ARIH1: variants seen among roughly 807,000 people sequenced by gnomAD.
ARIH1 encodes E3 ubiquitin-protein ligase ARIH1.
Under a neutral mutation model 85.0 loss-of-function variants are expected in ARIH1, and 8 were observed. The ratio of observed to expected loss-of-function variants is 0.09; its 90% confidence interval spans 0.06 to 0.17. ARIH1 has a LOEUF of 0.17. ARIH1 is among the 10% of genes least tolerant of loss of function. The pLI is 1.00. For missense variants in ARIH1, 311 were observed against 718.1 expected, an observed-to-expected ratio of 0.43 and a Z score of 6.48; for synonymous variants, 238 against 253.6, an observed-to-expected ratio of 0.94 and a Z score of 0.59.
intron 1 of ARIH1, among the ~76,000 whole-genome samples, chr15:72,486,518 G>T (rs1316668779): frequency 6.6e-6 from 1 of 152,082 alleles, no homozygotes; most frequent in South Asian, 2.1e-4. Flanking sequence ...GGGGACTGCT[G>T]TAATGTCTCA....
At chr15:72,484,184 AAAAAAG>A (rs1190679337) in intron 1 of ARIH1, among the ~76,000 whole-genome samples, 8 of 151,926 alleles carry the variant, frequency 5.3e-5, no homozygotes, top group Middle Eastern at 3.4e-3. Flanking sequence ...AAAAAAAAAA[AAAAAAG>A]AAGAAAAGAA....
intron 3 of ARIH1, among the ~76,000 whole-genome samples, chr15:72,549,520 G>A (rs1260628444): frequency 6.6e-6 from 1 of 152,186 alleles, no homozygotes; most frequent in Non-Finnish European, 1.5e-5. Flanking sequence ...GCCCCTCTGT[G>A]GAATCTTGGT....
chr15:72,489,537 AAATT>A (rs2063850845), intron 1 of ARIH1, among the ~76,000 whole-genome samples: 2 of 152,224 alleles, frequency 1.3e-5, no homozygotes, highest in South Asian at 4.1e-4. Flanking sequence ...GAATAAGTAA[AAATT>A]ACTAGTTTTC....
chr15:72,491,070 C>T (rs1202725139), intron 1 of ARIH1, among the ~76,000 whole-genome samples: 4 of 152,160 alleles, frequency 2.6e-5, no homozygotes, highest in Middle Eastern at 3.4e-3. Flanking sequence ...GAGCCGAGAT[C>T]GTGCCACTGC....
chr15:72,536,943 A>C (rs1214843251), intron 2 of ARIH1, among the ~76,000 whole-genome samples: 1 of 152,172 alleles, frequency 6.6e-6, no homozygotes, highest in African/African-American at 2.4e-5. Flanking sequence ...TATGGCCTCA[A>C]AAAGTATTCT....
intron 3 of ARIH1, among the ~76,000 whole-genome samples, chr15:72,548,494 C>T (rs2064139150): frequency 6.6e-6 from 1 of 152,188 alleles, no homozygotes; most frequent in South Asian, 2.1e-4. Context: ...AATGAAATTA[C>T]TCTTTTACAA....
rs1247468616 is a variant in ARIH1 at position 72,598,686 on chromosome 15, C to A, written c.*15394C>A. 6.7e-6 allele frequency: 1 copy of A among 150,176 alleles called. No homozygotes were observed. Among genetic ancestry groups the A allele is most frequent in the Admixed American group, 6.7e-5 (1 of 15,024 alleles). The allele number at this position is 150,176 out of a possible 1,614,324, so 9.3% of individuals were successfully genotyped here. Reference sequence around the variant, plus strand: ...CCGAGATTGTGCCACTGCACTCCAGCCTGGGTGACAGAGCAAGACTCCCTC... The same window carrying A: ...CCGAGATTGTGCCACTGCACTCCAGACTGGGTGACAGAGCAAGACTCCCTC... On this transcript the variant is annotated 3_prime_UTR_variant, in exon 14 of 14. Coordinates refer to ENST00000379887, the MANE Select transcript of ARIH1 (RefSeq NM_005744.5).
At chr15:72,488,485 T>A (rs1051489943) in intron 1 of ARIH1, among the ~76,000 whole-genome samples, 2 of 152,220 alleles carry the variant, frequency 1.3e-5, no homozygotes, top group Non-Finnish European at 2.9e-5. Context: ...TGCTTCCTTA[T>A]CTATGTTTGA....
rs1345775312 is a variant in ARIH1 at position 72,544,963 on chromosome 15, C to T, written c.587C>T (p.Ser196Leu). 1.9e-6 allele frequency: 3 copies of T among 1,584,392 alleles called. No individual in the cohort carries two copies. Among genetic ancestry groups the T allele is most frequent in the South Asian group, 1.1e-5 (1 of 88,090 alleles). ...ATCTGCTACTTGAACTACCCTAACTCGGTGAGTATCTGGTAGTTTAAGGCT... is the reference window on the plus strand; with the variant it reads ...ATCTGCTACTTGAACTACCCTAACTTGGTGAGTATCTGGTAGTTTAAGGCT... Reference protein sequence around the residue: ...CQICYLNYPNSYFTGLECGHK... With the variant: ...CQICYLNYPNLYFTGLECGHK... Residue 196 changes from serine (S) to leucine (L), a missense_variant and splice_region_variant, in exon 3 of 14, where the codon TCG (serine) becomes TTG (leucine). Coordinates refer to ENST00000379887, the MANE Select transcript of ARIH1 (RefSeq NM_005744.5).
chr15:72,524,335 C>G (rs1321072930), intron 2 of ARIH1, among the ~76,000 whole-genome samples: 1 of 150,972 alleles, frequency 6.6e-6, no homozygotes, highest in Admixed American at 6.6e-5. Flanking sequence ...CAACCTCTGC[C>G]TCCCGGTTCA....
At chr15:72,535,520 A>G (rs1358435889) in intron 2 of ARIH1, among the ~76,000 whole-genome samples, 2 of 152,248 alleles carry the variant, frequency 1.3e-5, no homozygotes, top group African/African-American at 2.4e-5. Flanking sequence ...TTGTTTTAAC[A>G]TAGCTGAATT....
intron 1 of ARIH1, among the ~76,000 whole-genome samples, chr15:72,492,497 A>G (rs749549736): frequency 1.3e-5 from 2 of 152,208 alleles, no homozygotes; most frequent in Admixed American, 6.5e-5. Context: ...AAATATGTTT[A>G]CTTTTTAACC....
intron 3 of ARIH1, among the ~76,000 whole-genome samples, chr15:72,546,425 C>A (rs192691426): frequency 6.6e-6 from 1 of 152,150 alleles, no homozygotes; most frequent in Non-Finnish European, 1.5e-5. Context: ...AAGTTCTGAT[C>A]GTAACTCTAA....
Position 72,474,539 on chromosome 15 carries a change from C to A in ARIH1, c.-101C>A. On this transcript the variant is annotated 5_prime_UTR_variant, in exon 1 of 14. Transcript: ENST00000379887. Reference sequence around the variant, plus strand: ...GCTCGCGGGGCCGGAGCCAGGCCTGCGTCCGGACATCAGCCGGAGCCGGAG... The same window carrying A: ...GCTCGCGGGGCCGGAGCCAGGCCTGAGTCCGGACATCAGCCGGAGCCGGAG... The A allele has an allele frequency of 7.3e-7, 1 of 1,379,196 alleles. No homozygotes were observed. Among genetic ancestry groups the A allele is most frequent in the Non-Finnish European group, 9.5e-7 (1 of 1,052,762 alleles). The allele number at this position is 1,379,196 out of a possible 1,614,324, so 85.4% of individuals were successfully genotyped here.
At chr15:72,533,951 A>T (rs1387488729) in intron 2 of ARIH1, among the ~76,000 whole-genome samples, 1 of 152,150 alleles carries the variant, frequency 6.6e-6, no homozygotes, top group Non-Finnish European at 1.5e-5. Flanking sequence ...AGCAGTATTT[A>T]TTCATACTTC....
intron 2 of ARIH1, among the ~76,000 whole-genome samples, chr15:72,543,985 C>G (rs898065208): frequency 1.3e-5 from 2 of 152,052 alleles, no homozygotes; most frequent in Admixed American, 1.3e-4. Context: ...CTCAACCCAC[C>G]TTAAGGTCTG....
chr15:72,474,511 G>T lies in ARIH1; in HGVS notation c.-129G>T. 1 of 1,235,578 alleles carries T rather than the reference G, an allele frequency of 8.1e-7. No homozygotes were observed. Among genetic ancestry groups the T allele is most frequent in the Non-Finnish European group, 1.1e-6 (1 of 938,576 alleles). The allele number at this position is 1,235,578 out of a possible 1,614,324, so 76.5% of individuals were successfully genotyped here. On this transcript the variant is annotated 5_prime_UTR_variant, in exon 1 of 14. Transcript: ENST00000379887. ...CAACCGCCGCTCCTGGGGAGGAGCC[G>T]CGGCTCGCGGGGCCGGAGCCAGGCC...
intron 9 of ARIH1, among the ~76,000 whole-genome samples, chr15:72,567,827 T>A (rs949689379): frequency 9.9e-5 from 15 of 152,138 alleles, no homozygotes; most frequent in Non-Finnish European, 1.9e-4. Flanking sequence ...GAATGGTAGG[T>A]TGGTTCATGG....
rs772729893 is a variant in ARIH1 at position 72,587,133 on chromosome 15, G to A, written c.*3841G>A. ...CTTACTGTCTAAAACAAGTGGAGAA[G>A]AAATTGCCATTTTTTATAAAGGAGG... is the stretch of plus-strand genomic sequence containing the variant. On this transcript the variant is annotated 3_prime_UTR_variant, in exon 14 of 14. Transcript: ENST00000379887. The A allele has an allele frequency of 4.2e-5, 19 of 455,040 alleles. No individual in the cohort carries two copies. The highest frequency in any genetic ancestry group is 6.4e-5 in the South Asian group (4 of 62,160). 28.2% of individuals were successfully genotyped at this position (455,040 alleles called of 1,614,324 possible).
Sources: allele counts gnomAD v4.1 joint callset (sites outside exome capture counted in the v4.1 genomes callset), GRCh38; gene constraint gnomAD v4.1.1; transcripts MANE v1.5; gene names NCBI Gene and HGNC (gene_info 2026-07-23, HGNC 2026-07-21).